Variants in GPC3 observed in about 807,000 individuals in gnomAD.
GPC3 encodes glypican-3.
Under a neutral mutation model 34.4 loss-of-function variants are expected in GPC3, and 3 were observed. That is an observed-to-expected ratio of 0.09 (90% CI 0.04 to 0.23). The LOEUF is 0.23. GPC3 is among the 10% of genes least tolerant of loss of function. GPC3 has a pLI of 1.00. For synonymous variants in GPC3, 177 were observed against 174.0 expected (o/e 1.02, Z -0.13); for missense variants, 351 against 445.6 (o/e 0.79, Z 1.91).
At position 133,901,852 on chromosome X, in the gene GPC3, G is replaced by A. The variant is rs2076145611; in HGVS notation, c.337+51198C>T. Among the ~76,000 whole-genome samples, 3 of 112,244 alleles carry A rather than the reference G, an allele frequency of 2.7e-5. No homozygotes were observed. In the South Asian group the frequency reaches 1.1e-3, roughly 42 times the overall value. ...GTTTTTAAGAATGCTACCATCTGCAGAATGTCAAAAACGTTTTTCCCCGTT... is the reference window on the plus strand; with the variant it reads ...GTTTTTAAGAATGCTACCATCTGCAAAATGTCAAAAACGTTTTTCCCCGTT... On this transcript the variant is annotated intron_variant, in intron 2 of 7. Transcript: ENST00000370818.
intron 2 of GPC3, among the ~76,000 whole-genome samples, chrX:133,894,440 T>G (rs748509495): frequency 1.9e-4 from 21 of 112,298 alleles, no homozygotes; most frequent in Non-Finnish European, 3.7e-4. Flanking sequence ...GTTTTATCTC[T>G]ATATATTAAT....
At chrX:133,805,290 T>C (rs938269694) in intron 2 of GPC3, among the ~76,000 whole-genome samples, 8 of 111,637 alleles carry the variant, frequency 7.2e-5, no homozygotes, top group African/African-American at 2.6e-4. Context: ...CCTCTAATTA[T>C]CCTCCTCTCC....
chrX:133,714,242 C>A (rs377734768), intron 3 of GPC3, among the ~76,000 whole-genome samples: 1 of 111,140 alleles, frequency 9.0e-6, no homozygotes, highest in East Asian at 2.8e-4. Context: ...GAAGAAGATA[C>A]GAGAATCCAG....
intron 7 of GPC3, 75 bp downstream of exon 7, chrX:133,596,365 A>G (rs900623574): frequency 2.3e-6 from 2 of 886,141 alleles, no homozygotes; most frequent in African/African-American, 3.9e-5. Context: ...AATTGCAGAC[A>G]GCGGGTTCAA....
chrX:133,781,217 A>G (rs2072041538), intron 2 of GPC3, among the ~76,000 whole-genome samples: 1 of 112,288 alleles, frequency 8.9e-6, no homozygotes, highest in African/African-American at 3.2e-5. Flanking sequence ...CACAGGCTAG[A>G]AGGAAATCTC....
chrX:133,926,775 G>A (rs972629549), intron 2 of GPC3, among the ~76,000 whole-genome samples: 3 of 109,905 alleles, frequency 2.7e-5, no homozygotes, highest in African/African-American at 6.6e-5. Context: ...CAAAAATACC[G>A]TCCCCCCTCC....
intron 2 of GPC3, among the ~76,000 whole-genome samples, chrX:133,863,746 C>T (rs1200200765): frequency 1.0e-5 from 1 of 98,904 alleles, no homozygotes; most frequent in African/African-American, 4.0e-5. Flanking sequence ...AGCTCCGCTT[C>T]CCGGGTTCAC....
At chrX:133,625,452 A>G (rs1392204719) in intron 6 of GPC3, among the ~76,000 whole-genome samples, 1 of 112,391 alleles carries the variant, frequency 8.9e-6, no homozygotes, top group African/African-American at 3.2e-5. Flanking sequence ...TAAGCTGATA[A>G]GCAACTTCAG....
chrX:133,670,519 T>C (rs1365388882), intron 5 of GPC3, among the ~76,000 whole-genome samples: 1 of 111,926 alleles, frequency 8.9e-6, no homozygotes, highest in Non-Finnish European at 1.9e-5. Flanking sequence ...AAAAATTTGA[T>C]TTCACAAAAG....
chrX:133,945,335 G>A (rs778607128), intron 2 of GPC3, among the ~76,000 whole-genome samples: 3 of 111,421 alleles, frequency 2.7e-5, no homozygotes, highest in East Asian at 2.8e-4. Flanking sequence ...AGGTTGCAGC[G>A]AGCTGAGATA....
chrX:133,976,961 AT>A (rs1198816400), intron 1 of GPC3, among the ~76,000 whole-genome samples: 17 of 109,261 alleles, frequency 1.6e-4, no homozygotes, highest in East Asian at 2.9e-4. Flanking sequence ...AAATAAATAA[AT>A]AAATGAGGGG....
chrX:133,823,563 C>T (rs1569440371), intron 2 of GPC3, among the ~76,000 whole-genome samples: 2 of 111,351 alleles, frequency 1.8e-5, no homozygotes, highest in South Asian at 3.7e-4. Context: ...TAAATACAAA[C>T]ATAATAATTT....
At chrX:133,708,151 A>G (rs2071234633) in intron 3 of GPC3, among the ~76,000 whole-genome samples, 1 of 112,017 alleles carries the variant, frequency 8.9e-6, no homozygotes, top group Admixed American at 9.5e-5. Context: ...TGCTGAATAA[A>G]TATACCAAAT....
At chrX:133,869,730 G>A (rs1441011030) in intron 2 of GPC3, among the ~76,000 whole-genome samples, 2 of 111,864 alleles carry the variant, frequency 1.8e-5, no homozygotes, top group East Asian at 2.8e-4. Context: ...GGCACATCAC[G>A]AGGTCAGGAG....
intron 5 of GPC3, among the ~76,000 whole-genome samples, chrX:133,689,166 T>G (rs769155083): frequency 6.3e-5 from 7 of 110,899 alleles, no homozygotes; most frequent in Non-Finnish European, 1.1e-4. Context: ...CTTTCCTGGA[T>G]AGTATATATT....
intron 2 of GPC3, among the ~76,000 whole-genome samples, chrX:133,911,586 A>G (rs1196506775): frequency 7.1e-5 from 8 of 112,045 alleles, no homozygotes. Context: ...TGGGGCACAG[A>G]TACCTTACTA....
At chrX:133,831,531 G>A (rs1432998059) in intron 2 of GPC3, among the ~76,000 whole-genome samples, 1 of 111,950 alleles carries the variant, frequency 8.9e-6, no homozygotes, top group East Asian at 2.8e-4. Flanking sequence ...TGCAGTTCAA[G>A]AACAGCCTGA....
At chrX:133,799,755 A>G (rs1189198451) in intron 2 of GPC3, among the ~76,000 whole-genome samples, 2 of 111,672 alleles carry the variant, frequency 1.8e-5, no homozygotes, top group African/African-American at 6.5e-5. Context: ...TCTCTCTGAT[A>G]GGATTGTGAC....
At chrX:133,638,237 T>G (rs889103462) in intron 6 of GPC3, among the ~76,000 whole-genome samples, 3 of 111,950 alleles carry the variant, frequency 2.7e-5, no homozygotes, top group Non-Finnish European at 3.8e-5. Flanking sequence ...AACACGTCCT[T>G]TATTCATGAT....
Sources: allele counts gnomAD v4.1 joint callset (sites outside exome capture counted in the v4.1 genomes callset), GRCh38; gene constraint gnomAD v4.1.1; transcripts MANE v1.5; gene names NCBI Gene and HGNC (gene_info 2026-07-23, HGNC 2026-07-21).